The following UBE2G2 variants were observed in gnomAD, a reference collection of about 807,000 sequenced individuals.
UBE2G2 encodes ubiquitin-conjugating enzyme E2 G2.
Under a neutral mutation model 23.0 loss-of-function variants are expected in UBE2G2, and 10 were observed. The ratio of observed to expected loss-of-function variants is 0.43; its 90% CI spans 0.27 to 0.74. The LOEUF is 0.74. Among genes scored for constraint, UBE2G2 ranks in the 30% least tolerant of loss-of-function variants. The pLI is 0.19. For synonymous variants in UBE2G2, 86 were observed against 81.3 expected (o/e 1.06, Z -0.31); for missense variants, 150 against 218.3 (o/e 0.69, Z 1.97).
At chr21:44,784,840 G>C (rs572194997) in intron 3 of UBE2G2, among the ~76,000 whole-genome samples, 4 of 152,218 alleles carry the variant, frequency 2.6e-5, no homozygotes, top group Non-Finnish European at 4.4e-5. Context: ...GGTGACAGCA[G>C]TCAGGCATGA....
At chr21:44,785,792 C>T (rs988941847) in intron 3 of UBE2G2, 1 of 152,138 alleles carries the variant, frequency 6.6e-6, no homozygotes, top group African/African-American at 2.4e-5. Flanking sequence ...TGTGAAGGGT[C>T]TGGAACAGGA....
chr21:44,773,079 C>T (rs2082886408), intron 5 of UBE2G2, among the ~76,000 whole-genome samples: 1 of 152,208 alleles, frequency 6.6e-6, no homozygotes, highest in African/African-American at 2.4e-5. Context: ...TCAACACCTA[C>T]ATGTCCTAAA....
intron 4 of UBE2G2, among the ~76,000 whole-genome samples, chr21:44,776,620 T>C (rs1330305716): frequency 6.6e-6 from 1 of 152,232 alleles, no homozygotes; most frequent in African/African-American, 2.4e-5. Context: ...CCACATGTCA[T>C]GGGAGGGACC....
intron 1 of UBE2G2, chr21:44,801,050 T>C (rs1219501452): frequency 6.5e-6 from 1 of 152,682 alleles, no homozygotes; most frequent in Non-Finnish European, 1.5e-5. Flanking sequence ...AACACAATGG[T>C]ATTCCAAGAC....
intron 3 of UBE2G2, 117 bp downstream of exon 3, chr21:44,787,803 G>A: frequency 1.7e-6 from 2 of 1,161,382 alleles, no homozygotes; most frequent in East Asian, 2.5e-5. Context: ...GGGCATTACT[G>A]GAGAACTCAG....
At position 44,771,210 on chromosome 21, in the gene UBE2G2, AGAGAAGCCT is replaced by A. The variant is rs374580923; in HGVS notation, c.*158_*166del. On this transcript the variant is annotated 3_prime_UTR_variant, in exon 6 of 6. Transcript: ENST00000345496. The surrounding 1 kb of genome is among the most constrained non-coding windows in gnomAD (Gnocchi z 4.6). ...TTCGACATTAAGTCATCATTTCAGA[AGAGAAGCCT>A]GTTTGAAGTAGGAAAGGTTTGAAAA... 5.5e-5 allele frequency: 34 copies of A among 614,364 alleles called. No individual in the cohort carries two copies. Among genetic ancestry groups the A allele is most frequent in the African/African-American group, 3.9e-4 (21 of 54,294 alleles). 38.1% of individuals were successfully genotyped at this position (614,364 alleles called of 1,614,324 possible). A position where few individuals can be genotyped will look rare whatever the true frequency, so the allele number is the denominator to read the frequency against.
At chr21:44,782,543 C>T (rs1555961450) in intron 3 of UBE2G2, among the ~76,000 whole-genome samples, 1 of 152,144 alleles carries the variant, frequency 6.6e-6, no homozygotes, top group Non-Finnish European at 1.5e-5. Context: ...TAAAACTTAC[C>T]ATGAAGCTCC....
intron 4 of UBE2G2, chr21:44,776,989 A>T (rs1352845462): frequency 8.3e-6 from 2 of 239,934 alleles, no homozygotes; most frequent in African/African-American, 4.6e-5. Context: ...ACACTATGAC[A>T]AAGATTAGCA....
intron 3 of UBE2G2, among the ~76,000 whole-genome samples, chr21:44,784,468 G>A (rs1007941033): frequency 1.3e-5 from 2 of 152,074 alleles, no homozygotes; most frequent in African/African-American, 4.8e-5. Flanking sequence ...GGATCTTTGT[G>A]ACACTTTTGT....
At chr21:44,773,448 T>G in intron 5 of UBE2G2, 99 bp downstream of exon 5, 65 of 1,426,402 alleles carry the variant, frequency 4.6e-5, no homozygotes, top group Middle Eastern at 2.5e-4. Context: ...TAACTGCAAA[T>G]GAGGAAAAGG....
At chr21:44,784,234 G>A (rs2082978021) in intron 3 of UBE2G2, among the ~76,000 whole-genome samples, 1 of 151,956 alleles carries the variant, frequency 6.6e-6, no homozygotes, top group African/African-American at 2.4e-5. Flanking sequence ...GGAGAGGAGA[G>A]GAAGGAAGGA....
At chr21:44,801,581 G>C (rs556196661) in intron 1 of UBE2G2, 125 bp downstream of exon 1, 2 of 1,307,176 alleles carry the variant, frequency 1.5e-6, no homozygotes, top group South Asian at 1.7e-5. Context: ...ACCCACAGGG[G>C]GGCTCACGGT....
rs187960541 is a variant in UBE2G2 at position 44,778,258 on chromosome 21, T to G, written c.126-841A>C. Among the ~76,000 whole-genome samples the G allele has an allele frequency of 2.0e-5, 3 of 152,302 alleles. No individual in the cohort carries two copies. The East Asian group carries it at 5.8e-4, about 29-fold the overall frequency. On this transcript the variant is annotated intron_variant, in intron 3 of 5. Transcript: ENST00000345496. ...CTTCAAGAAGCAGATGAAGAGCACA[T>G]GTGATCACTGCTGCATGCTCGGTGA...
intron 3 of UBE2G2, among the ~76,000 whole-genome samples, chr21:44,782,753 G>A (rs915429617): frequency 6.6e-6 from 1 of 152,164 alleles, no homozygotes; most frequent in Non-Finnish European, 1.5e-5. Flanking sequence ...GAATGAAACA[G>A]ACTCCCACCT....
chr21:44,787,255 A>C (rs1472274044), intron 3 of UBE2G2, among the ~76,000 whole-genome samples: 1 of 152,212 alleles, frequency 6.6e-6, no homozygotes, highest in Non-Finnish European at 1.5e-5. Context: ...AAGTGAGTCA[A>C]GGCCATAGAA....
intron 3 of UBE2G2, among the ~76,000 whole-genome samples, chr21:44,782,317 G>A (rs782556589): frequency 5.3e-5 from 8 of 152,128 alleles, no homozygotes; most frequent in South Asian, 2.1e-4. Context: ...CTAAATAAAT[G>A]GAGAGACAGT....
At position 44,778,121 on chromosome 21, in the gene UBE2G2, C is replaced by A. The variant is rs986532882; in HGVS notation, c.126-704G>T. On this transcript the variant is annotated intron_variant, in intron 3 of 5. Coordinates refer to ENST00000345496, the MANE Select transcript of UBE2G2 (RefSeq NM_003343.6). ...CATTTTAGGATAAGGGTATGAATTA[C>A]GGCACAGGGTATAGCAAGATTACAT... 2.6e-5 allele frequency among the ~76,000 whole-genome samples: 4 copies of A among 152,336 alleles called. No individual in the cohort carries two copies. In the South Asian group the frequency reaches 8.3e-4, roughly 32 times the overall value.
At chr21:44,792,460 C>T (rs79670725) in intron 1 of UBE2G2, among the ~76,000 whole-genome samples, 19,823 of 152,158 alleles carry the variant, frequency 0.13, 1,471 homozygotes, top group Middle Eastern at 0.22. Context: ...TCTCAGGAGA[C>T]ATGATGGTTC....
At chr21:44,777,180 G>T (rs1160513617) in intron 4 of UBE2G2, 119 bp downstream of exon 4, 11 of 859,702 alleles carry the variant, frequency 1.3e-5, no homozygotes, top group Middle Eastern at 2.7e-4. Context: ...CAAAACATAA[G>T]AAGTGTTTTC....
Sources: allele counts gnomAD v4.1 joint callset (sites outside exome capture counted in the v4.1 genomes callset), GRCh38; gene constraint gnomAD v4.1.1; non-coding constraint Gnocchi (gnomAD v3.1); transcripts MANE v1.5; gene names NCBI Gene and HGNC (gene_info 2026-07-23, HGNC 2026-07-21).